Variants in STXBP6 observed in about 807,000 individuals in gnomAD.
STXBP6 encodes the protein syntaxin binding protein 6, also known as syntaxin-binding protein 6.
A neutral mutation model predicts 26.9 loss-of-function variants in STXBP6; 21 were observed. The observed-to-expected ratio is 0.78, with a 90% CI of 0.55 to 1.12. The LOEUF is 1.12. Ranked by LOEUF, STXBP6 falls within the 50% of genes most tolerant of loss-of-function variation. The probability of loss-of-function intolerance (pLI) is 0.00; values close to 1 mark genes in which losing one functional copy is unlikely to be tolerated. For synonymous variants in STXBP6, 97 were observed against 92.6 expected, an observed-to-expected ratio of 1.05 and a Z score of -0.27; for missense variants, 232 against 257.9, an observed-to-expected ratio of 0.90 and a Z score of 0.69.
intron 2 of STXBP6, among the ~76,000 whole-genome samples, chr14:24,894,399 G>T (rs2070903123): frequency 6.6e-6 from 1 of 152,182 alleles, no homozygotes; most frequent in Non-Finnish European, 1.5e-5. Flanking sequence ...ACAAGGGGAT[G>T]CCAGGAGGTG....
At position 24,984,886 on chromosome 14, in the gene STXBP6, G is replaced by A. The variant is rs76041965; in HGVS notation, c.-32-10036C>T. ...CAGAGCAGGGACTTAAACCTAAGAT[G>A]CATGACTCCAGAAGCCTTTGCTCTT... is the stretch of plus-strand genomic sequence containing the variant. On this transcript the variant is annotated intron_variant, in intron 1 of 5. Coordinates refer to ENST00000323944, the MANE Select transcript of STXBP6 (RefSeq NM_001394410.1). 4.2e-3 allele frequency among the ~76,000 whole-genome samples: 643 copies of A among 152,286 alleles called. 14 individuals carry two copies. In the East Asian group the frequency reaches 0.045, roughly 11 times the overall value.
At chr14:24,883,423 C>G (rs2070446444) in intron 2 of STXBP6, among the ~76,000 whole-genome samples, 1 of 152,146 alleles carries the variant, frequency 6.6e-6, no homozygotes, top group African/African-American at 2.4e-5. Context: ...TCTATCTATT[C>G]TGGGATCCCA....
At chr14:24,978,930 G>A (rs1282636116) in intron 1 of STXBP6, among the ~76,000 whole-genome samples, 1 of 152,150 alleles carries the variant, frequency 6.6e-6, no homozygotes, top group South Asian at 2.1e-4. Flanking sequence ...CAACATTTTT[G>A]GTTTCCAGTA....
chr14:24,869,483 T>TG (rs1177339422), intron 2 of STXBP6, among the ~76,000 whole-genome samples: 3 of 152,178 alleles, frequency 2.0e-5, no homozygotes, highest in African/African-American at 4.8e-5. Flanking sequence ...GAAAAATCCC[T>TG]GGGGGGTCTT....
In STXBP6 at chr14:25,049,354, G is replaced by C. The variant is rs944937994; in HGVS notation, c.-33+524C>G. The C allele has an allele frequency of 2.1e-5, 21 of 985,286 alleles. No individual in the cohort carries two copies. Among genetic ancestry groups the C allele is most frequent in the Non-Finnish European group, 2.4e-5 (20 of 829,942 alleles). 61.0% of individuals were successfully genotyped at this position (985,286 alleles called of 1,614,324 possible). A position where few individuals can be genotyped will look rare whatever the true frequency, so the allele number is the denominator to read the frequency against. ...GCCAGCGCCCTGGGGGCAGGGTGCC[G>C]TGCCCGCCAGAAAAGCTCGCCTCAG... On this transcript the variant is annotated intron_variant, in intron 1 of 5. Coordinates refer to ENST00000323944, the MANE Select transcript of STXBP6 (RefSeq NM_001394410.1). The surrounding 1 kb of genome is among the most constrained non-coding windows in gnomAD (Gnocchi z 5.6).
chr14:24,865,546 G>A (rs2069687251), intron 2 of STXBP6, among the ~76,000 whole-genome samples: 1 of 152,154 alleles, frequency 6.6e-6, no homozygotes, highest in African/African-American at 2.4e-5. Context: ...ATATGTTTGT[G>A]AGGAAACTAT....
At chr14:24,818,887 G>A in intron 5 of STXBP6, 150 bp downstream of exon 5, 1 of 1,051,094 alleles carries the variant, frequency 9.5e-7, no homozygotes, top group South Asian at 2.1e-5. Context: ...CACGACTCAG[G>A]TGTTTAGTAA....
chr14:24,819,240 C>A, intron 4 of STXBP6, 46 bp from the exon 5 acceptor site: 4 of 1,611,494 alleles, frequency 2.5e-6, no homozygotes, highest in Non-Finnish European at 3.4e-6. Flanking sequence ...TCAGCTGACC[C>A]ACAGTGACCA....
chr14:25,013,915 C>A (rs1239568125), intron 1 of STXBP6, among the ~76,000 whole-genome samples: 1 of 152,014 alleles, frequency 6.6e-6, no homozygotes, highest in East Asian at 1.9e-4. Flanking sequence ...GACTAAATAG[C>A]CCATATTTGA....
At chr14:25,030,868 C>T (rs2075440253) in intron 1 of STXBP6, among the ~76,000 whole-genome samples, 1 of 151,750 alleles carries the variant, frequency 6.6e-6, no homozygotes, top group Non-Finnish European at 1.5e-5. Flanking sequence ...TGCCTAACAC[C>T]CTACATAATA....
intron 2 of STXBP6, among the ~76,000 whole-genome samples, chr14:24,948,098 G>A (rs1056971670): frequency 6.6e-6 from 1 of 152,168 alleles, no homozygotes; most frequent in African/African-American, 2.4e-5. Flanking sequence ...ATGAAGATGG[G>A]AGTGAGAAAA....
intron 2 of STXBP6, among the ~76,000 whole-genome samples, chr14:24,930,411 A>G (rs1205718305): frequency 6.6e-6 from 1 of 152,252 alleles, no homozygotes; most frequent in East Asian, 1.9e-4. Flanking sequence ...GATTTTATGA[A>G]CAACATTTTT....
At chr14:24,929,320 G>A (rs906216998) in intron 2 of STXBP6, among the ~76,000 whole-genome samples, 1 of 152,138 alleles carries the variant, frequency 6.6e-6, no homozygotes, top group Non-Finnish European at 1.5e-5. Context: ...CTTTCCACAT[G>A]CCTACAGAGA....
At chr14:25,002,612 G>T (rs975632831) in intron 1 of STXBP6, among the ~76,000 whole-genome samples, 1 of 151,892 alleles carries the variant, frequency 6.6e-6, no homozygotes, top group African/African-American at 2.4e-5. Flanking sequence ...ATGTGCCTCG[G>T]CCTCTCAAAG....
chr14:24,995,903 A>C (rs558101464), intron 1 of STXBP6, among the ~76,000 whole-genome samples: 5 of 152,302 alleles, frequency 3.3e-5, no homozygotes, highest in Admixed American at 2.0e-4. Context: ...CAAACCTTAC[A>C]CACCAGATTT....
chr14:24,984,198 C>T (rs1463117251), intron 1 of STXBP6, among the ~76,000 whole-genome samples: 6 of 152,176 alleles, frequency 3.9e-5, no homozygotes, highest in Non-Finnish European at 8.8e-5. Flanking sequence ...TGCGACTGCA[C>T]TCCAGCCTGG....
intron 1 of STXBP6, among the ~76,000 whole-genome samples, chr14:24,986,073 G>C (rs772930521): frequency 2.6e-5 from 4 of 152,184 alleles, no homozygotes; most frequent in Admixed American, 1.3e-4. Context: ...TGTGTTGGGG[G>C]AATGATGATA....
At chr14:24,955,077 A>G (rs2073295050) in intron 2 of STXBP6, among the ~76,000 whole-genome samples, 1 of 152,232 alleles carries the variant, frequency 6.6e-6, no homozygotes, top group Admixed American at 6.5e-5. Context: ...CTGGCATATA[A>G]TAAGTGTTCA....
intron 2 of STXBP6, among the ~76,000 whole-genome samples, chr14:24,899,972 G>A (rs2071154545): frequency 6.6e-6 from 1 of 151,970 alleles, no homozygotes; most frequent in Non-Finnish European, 1.5e-5. Context: ...CCCATAAAGA[G>A]AAATACAGAG....
Sources: allele counts gnomAD v4.1 joint callset (sites outside exome capture counted in the v4.1 genomes callset), GRCh38; gene constraint gnomAD v4.1.1; non-coding constraint Gnocchi (gnomAD v3.1); transcripts MANE v1.5; gene names NCBI Gene and HGNC (gene_info 2026-07-23, HGNC 2026-07-21).